Variants in COL15A1 observed in about 807,000 individuals in gnomAD.
COL15A1 encodes the protein collagen alpha-1(XV) chain.
A neutral mutation model predicts 165.9 loss-of-function variants in COL15A1; 111 were observed. That is an observed-to-expected ratio of 0.67 (90% CI 0.57 to 0.78). The LOEUF is 0.78. COL15A1 is among the 30% of genes least tolerant of loss of function. The pLI is 0.00. For synonymous variants in COL15A1, 659 were observed against 674.8 expected (o/e 0.98, Z 0.36); for missense variants, 1,745 against 1,789.7 (o/e 0.98, Z 0.45).
chr9:99,008,070 G>A (rs182726223), intron 9 of COL15A1, among the ~76,000 whole-genome samples: 39 of 152,220 alleles, frequency 2.6e-4, no homozygotes, highest in Middle Eastern at 3.4e-3. Context: ...TACTTGGCCT[G>A]AGTATTTGCA....
At chr9:99,052,241 G>T in intron 30 of COL15A1, 147 bp from the exon 31 acceptor site, 1 of 680,482 alleles carries the variant, frequency 1.5e-6, no homozygotes, top group East Asian at 2.5e-5. Context: ...TGGGGACTCA[G>T]GGCTTTGGGG....
At chr9:98,999,100 C>A (rs1010287393) in intron 6 of COL15A1, among the ~76,000 whole-genome samples, 3 of 152,198 alleles carry the variant, frequency 2.0e-5, no homozygotes, top group African/African-American at 7.2e-5. Flanking sequence ...GCCACTCTTC[C>A]ATCACAGGAT....
chr9:98,964,917 C>T (rs1364229937), intron 2 of COL15A1, among the ~76,000 whole-genome samples: 1 of 152,184 alleles, frequency 6.6e-6, no homozygotes, highest in African/African-American at 2.4e-5. Context: ...CCCACTGAAG[C>T]TATGAGCTCG....
intron 36 of COL15A1, among the ~76,000 whole-genome samples, chr9:99,060,250 A>G (rs59321004): frequency 8.7e-6 from 1 of 115,136 alleles, no homozygotes; most frequent in Non-Finnish European, 1.8e-5. Flanking sequence ...ATATATATAT[A>G]TATATATTTT....
intron 7 of COL15A1, among the ~76,000 whole-genome samples, chr9:99,002,141 TTCCTCTCCTC>T (rs148273413): frequency 8.7e-6 from 1 of 114,694 alleles, no homozygotes; most frequent in African/African-American, 3.6e-5. Context: ...ATTCCCTCCC[TTCCTCTCCTC>T]TCCTCTCCTC....
At position 99,023,390 on chromosome 9, in the gene COL15A1, T is replaced by A. The variant is rs1280619302; in HGVS notation, c.1795T>A (p.Trp599Arg). 1 of 1,611,508 alleles carries A rather than the reference T, an allele frequency of 6.2e-7. No individual in the cohort carries two copies. The highest frequency in any genetic ancestry group is 1.7e-5 in the Admixed American group (1 of 59,994). Residue 599 changes from tryptophan (W) to arginine (R), a missense_variant, in exon 14 of 42, where the codon TGG (tryptophan) becomes AGG (arginine). Physicochemically the swap from Trp to Arg is moderately radical, Grantham distance 101 (BLOSUM62 -3). Transcript: ENST00000375001. ...AGAAGCAGAGGGCTCTGGCCTAGGC[T>A]GGGGCTCGGACGTCGGCTCTGGCTC... The part of the protein sequence containing the change: ...GAEAEGSGLG[W>R]GSDVGSGSGD...
At chr9:99,058,235 G>A (rs1825757616) in intron 35 of COL15A1, among the ~76,000 whole-genome samples, 1 of 152,230 alleles carries the variant, frequency 6.6e-6, no homozygotes. Flanking sequence ...GTCCTGGGAT[G>A]GGGAAGTCCT....
intron 31 of COL15A1, among the ~76,000 whole-genome samples, chr9:99,054,350 G>A (rs969722194): frequency 6.6e-6 from 1 of 152,134 alleles, no homozygotes; most frequent in African/African-American, 2.4e-5. Flanking sequence ...GCGTTACTGT[G>A]AGCTCTGTCT....
rs577940550 is a variant in COL15A1, at chr9:99,015,311, C to G, written c.1354-106C>G. On this transcript the variant is annotated intron_variant, in intron 9 of 41. Transcript: ENST00000375001. ...GAGCAAAGGAAAGGGAATCATGGAG[C>G]CTCCAGTTATCTGAGGCTTTAGCGC... The G allele has an allele frequency of 8.8e-5, 65 of 739,296 alleles. No homozygotes were observed. The East Asian group carries it at 1.5e-3, about 18-fold the overall frequency. The allele number at this position is 739,296 out of a possible 1,614,324, so 45.8% of individuals were successfully genotyped here.
chr9:99,032,741 G>C (rs1368152035), intron 16 of COL15A1, among the ~76,000 whole-genome samples: 1 of 152,024 alleles, frequency 6.6e-6, no homozygotes, highest in Admixed American at 6.5e-5. Context: ...CTCTTGTGTT[G>C]CTTTCTGGGA....
chr9:98,978,631 C>G (rs994724325), intron 2 of COL15A1, among the ~76,000 whole-genome samples: 1 of 152,032 alleles, frequency 6.6e-6, no homozygotes, highest in Non-Finnish European at 1.5e-5. Context: ...TGTTTCTTTT[C>G]CTTCTTTTTT....
intron 2 of COL15A1, among the ~76,000 whole-genome samples, chr9:98,945,962 T>C (rs563985357): frequency 1.3e-5 from 2 of 152,286 alleles, no homozygotes; most frequent in African/African-American, 4.8e-5. Context: ...CCATTTATAA[T>C]GTAAAAAGGG....
intron 36 of COL15A1, 79 bp downstream of exon 36, chr9:99,060,032 T>C: frequency 6.7e-7 from 1 of 1,493,196 alleles, no homozygotes; most frequent in South Asian, 1.2e-5. Context: ...ATCTCCTGTG[T>C]CTGACATCCC....
intron 30 of COL15A1, among the ~76,000 whole-genome samples, chr9:99,051,642 C>T (rs557114163): frequency 1.3e-5 from 2 of 152,320 alleles, no homozygotes; most frequent in East Asian, 3.9e-4. Context: ...TAGATTTCCT[C>T]CCCACTCCCA....
chr9:99,044,442 T>C lies in COL15A1; in HGVS notation c.2575-126T>C, dbSNP rs1208732138. On this transcript the variant is annotated intron_variant, in intron 24 of 41. Transcript: ENST00000375001. Reference sequence around the variant, plus strand: ...TCAAGTAGGATGAAGGCAAGAGAAATAAATCATGGCTGCAGGACTCAGAGG... The same window carrying C: ...TCAAGTAGGATGAAGGCAAGAGAAACAAATCATGGCTGCAGGACTCAGAGG... 1.2e-5 allele frequency: 10 copies of C among 828,508 alleles called. No homozygotes were observed. In the Admixed American group the frequency reaches 1.9e-4, roughly 16 times the overall value. The allele number at this position is 828,508 out of a possible 1,614,324, so 51.3% of individuals were successfully genotyped here.
chr9:98,995,672 T>A (rs1198475261), intron 5 of COL15A1, among the ~76,000 whole-genome samples: 2 of 152,166 alleles, frequency 1.3e-5, no homozygotes, highest in African/African-American at 4.8e-5. Context: ...TTAAAGCCTT[T>A]CCTCCCACCT....
intron 5 of COL15A1, among the ~76,000 whole-genome samples, chr9:98,991,120 A>G (rs1838417490): frequency 6.6e-6 from 1 of 152,218 alleles, no homozygotes; most frequent in Admixed American, 6.5e-5. Context: ...GTTACAGCTC[A>G]TAAAGTCAGT....
intron 2 of COL15A1, among the ~76,000 whole-genome samples, chr9:98,945,255 G>A (rs1024940575): frequency 6.6e-6 from 1 of 152,174 alleles, no homozygotes; most frequent in African/African-American, 2.4e-5. Context: ...ATTGCACGGT[G>A]CTGAGGTTTG....
At chr9:98,958,669 C>T (rs1837816763) in intron 2 of COL15A1, among the ~76,000 whole-genome samples, 1 of 152,040 alleles carries the variant, frequency 6.6e-6, no homozygotes, top group South Asian at 2.1e-4. Context: ...AATGAAGTGG[C>T]TTTATTTGTT....
Sources: allele counts gnomAD v4.1 joint callset (sites outside exome capture counted in the v4.1 genomes callset), GRCh38; gene constraint gnomAD v4.1.1; transcripts MANE v1.5; gene names NCBI Gene and HGNC (gene_info 2026-07-23, HGNC 2026-07-21).